Variants in ABCA1 observed in about 807,000 individuals in gnomAD.
ABCA1 encodes phospholipid-transporting ATPase ABCA1.
In ABCA1, 133 loss-of-function variants were observed where a neutral mutation model predicts 262.5. That is an observed-to-expected ratio of 0.51 (90% CI 0.44 to 0.59). ABCA1 has a LOEUF of 0.59. ABCA1 is among the 20% of genes least tolerant of loss of function. The pLI, the probability that ABCA1 is intolerant of heterozygous loss-of-function variation, is 0.00. For missense variants in ABCA1, 2,452 were observed against 2,777.5 expected, an observed-to-expected ratio of 0.88 and a Z score of 2.63; for synonymous variants, 1,022 against 1,043.5, an observed-to-expected ratio of 0.98 and a Z score of 0.40.
chr9:104,812,585 A>C lies in ABCA1; in HGVS notation c.4039T>G (p.Phe1347Val), dbSNP rs769840742. The C allele has an allele frequency of 6.2e-7, 1 of 1,614,130 alleles. No individual in the cohort carries two copies. ...LLIARRSRKG[F>V]FAQIVLPAVF... ...ACAGCACGTCTCACCTGAGCAAAAAATCCTTTCCGACTCCGTCTGGCAATT... is the reference window on the plus strand; with the variant it reads ...ACAGCACGTCTCACCTGAGCAAAAACTCCTTTCCGACTCCGTCTGGCAATT... Residue 1347 changes from phenylalanine to valine, a missense_variant, in exon 28 of 50, where the codon TTT becomes GTT. Phe to Val is a conservative substitution (Grantham distance 50). Around this residue, in one of 4 missense-constraint regions of ABCA1, gnomAD observed 665 missense variants for 727.3 expected, o/e 0.91. Transcript: ENST00000374736.
intron 32 of ABCA1, among the ~76,000 whole-genome samples, chr9:104,803,798 G>C (rs1482580821): frequency 6.6e-6 from 1 of 151,952 alleles, no homozygotes; most frequent in Non-Finnish European, 1.5e-5. Context: ...GTAGAGACAG[G>C]GTTTCCCCAT....
At chr9:104,829,326 C>T (rs564481966) in intron 14 of ABCA1, among the ~76,000 whole-genome samples, 188 bp from the exon 15 acceptor site, 2 of 152,282 alleles carry the variant, frequency 1.3e-5, no homozygotes, top group East Asian at 1.9e-4. Flanking sequence ...GAGAGAAAAA[C>T]GAGGCTAACA....
intron 24 of ABCA1, 61 bp from the exon 25 acceptor site, chr9:104,816,406 T>G (rs1831765908): frequency 6.6e-7 from 1 of 1,524,190 alleles, no homozygotes; most frequent in Non-Finnish European, 9.1e-7. Flanking sequence ...GAGTGAGGGC[T>G]GGCCATCCCC....
intron 7 of ABCA1, chr9:104,856,194 C>A: frequency 7.1e-7 from 1 of 1,415,604 alleles, no homozygotes; most frequent in Non-Finnish European, 9.3e-7. Flanking sequence ...CTGCTTAATT[C>A]AATAAGTAAG....
At chr9:104,793,888 A>G (rs1829635501) in intron 40 of ABCA1, among the ~76,000 whole-genome samples, 1 of 152,232 alleles carries the variant, frequency 6.6e-6, no homozygotes, top group South Asian at 2.1e-4. Context: ...TAATAATCAT[A>G]TGGCTACCGG....
At position 104,900,103 on chromosome 9, in the gene ABCA1, C is replaced by T. The variant is rs138524480; in HGVS notation, c.66+3511G>A. Among the ~76,000 whole-genome samples the T allele has an allele frequency of 9.2e-5, 14 of 152,308 alleles. 1 individual carries two copies. In the East Asian group the frequency reaches 2.7e-3, roughly 29 times the overall value. ...GGAGAGGCAGGGGACCCAGGAGTTA[C>T]CAGCAAACCAGGACACAGAATGAAA... On this transcript the variant is annotated intron_variant, in intron 2 of 49. Coordinates refer to ENST00000374736, the MANE Select transcript of ABCA1 (RefSeq NM_005502.4).
Position 104,840,383 on chromosome 9 carries a change from AG to A in ABCA1, c.949del (p.Leu317Ter). 1 of 1,614,192 alleles carries A rather than the reference AG, an allele frequency of 6.2e-7. No homozygotes were observed. The highest frequency in any genetic ancestry group is 1.1e-5 in the South Asian group (1 of 91,080). On this transcript the variant is annotated frameshift_variant, in exon 9 of 50. Transcript: ENST00000374736. LOFTEE classifies it high-confidence loss of function. The stretch of plus-strand genomic sequence containing the variant: ...ATACCAGTTGAGAGACTTGATCTTC[AG>A]CCCCCCTCCCTCGGGATGCCCGCAG... ...IVCGHPEGGGLKIKSLNWYED... is the reference protein window; with the variant it reads ...IVCGHPEGGGXKIKSLNWYED...
intron 8 of ABCA1, among the ~76,000 whole-genome samples, chr9:104,843,701 T>A (rs1045342819): frequency 6.6e-6 from 1 of 152,232 alleles, no homozygotes; most frequent in Non-Finnish European, 1.5e-5. Context: ...CAGAAGACAT[T>A]CACTCCCTTT....
intron 31 of ABCA1, 21 bp downstream of exon 31, chr9:104,806,220 C>A: frequency 6.2e-7 from 1 of 1,611,448 alleles, no homozygotes. Flanking sequence ...TCTGCCCAAT[C>A]ACCCCCTGAA....
intron 3 of ABCA1, among the ~76,000 whole-genome samples, chr9:104,886,151 G>GA (rs1042976897): frequency 3.3e-5 from 5 of 152,122 alleles, no homozygotes; most frequent in African/African-American, 9.7e-5. Context: ...CTGTGGGAGT[G>GA]AATCTACCCC....
chr9:104,860,222 C>T (rs1375615328), intron 6 of ABCA1, among the ~76,000 whole-genome samples: 1 of 152,012 alleles, frequency 6.6e-6, no homozygotes, highest in African/African-American at 2.4e-5. Flanking sequence ...ACTGAAAATA[C>T]AGAAACTCCA....
At chr9:104,881,235 TA>T (rs1692868994) in intron 5 of ABCA1, among the ~76,000 whole-genome samples, 1 of 152,180 alleles carries the variant, frequency 6.6e-6, no homozygotes, top group Admixed American at 6.5e-5. Context: ...CTTGACAACT[TA>T]CCCCCATCAG....
Position 104,781,728 on chromosome 9 carries a change from A to G in ABCA1, c.*2587T>C, listed in dbSNP as rs1229544495. ...GTATTTCTCATATTCACAGTTGTTA[A>G]TAAGTTTTCTGAGGTGTCCCAAAGA... On this transcript the variant is annotated 3_prime_UTR_variant, in exon 50 of 50. Transcript: ENST00000374736. 5 of 152,600 alleles carry G rather than the reference A, an allele frequency of 3.3e-5. No individual in the cohort carries two copies. Among genetic ancestry groups the G allele is most frequent in the African/African-American group, 9.6e-5 (4 of 41,456 alleles). 9.5% of individuals were successfully genotyped at this position (152,600 alleles called of 1,614,324 possible). A position where few individuals can be genotyped will look rare whatever the true frequency, so the allele number is the denominator to read the frequency against.
intron 8 of ABCA1, among the ~76,000 whole-genome samples, chr9:104,843,100 T>TA (rs1351896581): frequency 1.3e-5 from 2 of 152,108 alleles, no homozygotes; most frequent in South Asian, 2.1e-4. Context: ...TCACCCCCTT[T>TA]AAAAAAAGCA....
Position 104,852,829 on chromosome 9 carries a change from G to A in ABCA1, c.720+5693C>T, listed in dbSNP as rs546607096. 3.3e-5 allele frequency among the ~76,000 whole-genome samples: 5 copies of A among 152,246 alleles called. No homozygotes were observed. In the East Asian group the frequency reaches 9.7e-4, roughly 29 times the overall value. ...TCCAACAATGTCCGGGTTCCAGACAGGAGAACACGAGCAAGTGTTCTCTCC... is the reference window on the plus strand; with the variant it reads ...TCCAACAATGTCCGGGTTCCAGACAAGAGAACACGAGCAAGTGTTCTCTCC... On this transcript the variant is annotated intron_variant, in intron 7 of 49. Coordinates refer to ENST00000374736, the MANE Select transcript of ABCA1 (RefSeq NM_005502.4).
At chr9:104,923,878 A>G (rs1842280821) in intron 1 of ABCA1, among the ~76,000 whole-genome samples, 1 of 152,154 alleles carries the variant, frequency 6.6e-6, no homozygotes, top group Non-Finnish European at 1.5e-5. Flanking sequence ...TGTCTTTACA[A>G]AAAATTGTAA....
intron 49 of ABCA1, 133 bp from the exon 50 acceptor site, chr9:104,784,588 A>G: frequency 9.3e-7 from 1 of 1,079,330 alleles, no homozygotes; most frequent in Non-Finnish European, 1.4e-6. Context: ...ATTAACTAGA[A>G]AACTGTGTGT....
chr9:104,857,007 T>C (rs547671267), intron 7 of ABCA1, among the ~76,000 whole-genome samples: 42 of 152,242 alleles, frequency 2.8e-4, no homozygotes, highest in African/African-American at 9.9e-4. Flanking sequence ...TACCTTACTT[T>C]AAAATTATAA....
chr9:104,843,420 G>A (rs1834563887), intron 8 of ABCA1, among the ~76,000 whole-genome samples: 1 of 152,178 alleles, frequency 6.6e-6, no homozygotes, highest in South Asian at 2.1e-4. Context: ...GGTTCTGCTA[G>A]TGCGTATTTT....
Sources: gnomAD v4.1 joint callset for allele counts (sites outside exome capture counted in the v4.1 genomes callset) on GRCh38, gnomAD v4.1.1 for gene constraint, gnomAD v4.1.1 regional missense constraint, MANE v1.5 for transcripts, NCBI Gene and HGNC (gene_info 2026-07-23, HGNC 2026-07-21) for gene names.